Variants in ALG11 observed in about 807,000 individuals in gnomAD.
The protein encoded by ALG11 is ALG11 alpha-1,2-mannosyltransferase.
Under a neutral mutation model 38.8 loss-of-function variants are expected in ALG11, and 26 were observed. That is an observed-to-expected ratio of 0.67 (90% CI 0.49 to 0.93). ALG11 has a LOEUF of 0.93. ALG11 is among the 40% of genes least tolerant of loss of function. The probability of loss-of-function intolerance (pLI) is 0.00; values close to 1 mark genes in which losing one functional copy is unlikely to be tolerated. For missense variants in ALG11, 535 were observed against 578.8 expected, an observed-to-expected ratio of 0.92 and a Z score of 0.78; for synonymous variants, 199 against 211.6, an observed-to-expected ratio of 0.94 and a Z score of 0.52.
Position 52,028,783 on chromosome 13 carries a change from A to G in ALG11, c.*193A>G, listed in dbSNP as rs3825528. On this transcript the variant is annotated 3_prime_UTR_variant, in exon 4 of 4. Transcript: ENST00000521508. ...CCTTCGGCTTCCATTCTTGGTATAC[A>G]TGAGAGAGGCTGGCTGCTGAGATGA... The G allele has an allele frequency of 6.2e-7, 1 of 1,613,858 alleles. No homozygotes were observed. Among genetic ancestry groups the G allele is most frequent in the Non-Finnish European group, 8.5e-7 (1 of 1,179,890 alleles).
At chr13:52,016,585 G>A (rs1272111270) in intron 1 of ALG11, 2 of 152,368 alleles carry the variant, frequency 1.3e-5, no homozygotes, top group African/African-American at 2.4e-5. Flanking sequence ...AGGGGCCAAT[G>A]CAGAGCTAGT....
In ALG11 at chr13:52,012,616, G is replaced by A. The variant is rs111871296; in HGVS notation, c.44+154G>A. Among the ~76,000 whole-genome samples the A allele has an allele frequency of 0.042, 6,438 of 152,110 alleles. 166 individuals carry two copies. The highest frequency in any genetic ancestry group is 0.091 in the South Asian group (437 of 4,810). Reference sequence around the variant, plus strand: ...ATGAGCAGTCTTTCTTTTTCTTGGGGGTCTTCTATATAGACTGGAATAGAC... The same window carrying A: ...ATGAGCAGTCTTTCTTTTTCTTGGGAGTCTTCTATATAGACTGGAATAGAC... On this transcript the variant is annotated intron_variant, in intron 1 of 3. Coordinates refer to ENST00000521508, the MANE Select transcript of ALG11 (RefSeq NM_001004127.3).
chr13:52,025,434 A>G (rs1270452402), intron 3 of ALG11, among the ~76,000 whole-genome samples: 1 of 152,204 alleles, frequency 6.6e-6, no homozygotes, highest in Non-Finnish European at 1.5e-5. Context: ...GAATCTCTGG[A>G]CAAGGCCCAG....
chr13:52,014,493 G>A (rs1052008818), intron 1 of ALG11, among the ~76,000 whole-genome samples: 2 of 151,332 alleles, frequency 1.3e-5, no homozygotes, highest in South Asian at 2.1e-4. Flanking sequence ...TTTGCCCTTC[G>A]CAAGACATTT....
At position 52,019,123 on chromosome 13, in the gene ALG11, T is replaced by TTTC; in HGVS notation, c.257_258insCTT (p.Ala85_Leu86insPhe). 6.2e-7 allele frequency: 1 copy of TTTC among 1,614,010 alleles called. No homozygotes were observed. Among genetic ancestry groups the TTTC allele is most frequent in the South Asian group, 1.1e-5 (1 of 91,074 alleles). ...GAGGAGAAAGAGTTTTATGGTGTGC[T>TTTC]TTAAGAGCCCTGCAGAAAAAGTAGG... On this transcript the variant is annotated inframe_insertion, in exon 2 of 4. Transcript: ENST00000521508.
Position 52,030,807 on chromosome 13 carries a change from T to A in ALG11, c.*2217T>A, listed in dbSNP as rs1954295700. 1 of 1,614,172 alleles carries A rather than the reference T, an allele frequency of 6.2e-7. No individual in the cohort carries two copies. The highest frequency in any genetic ancestry group is 2.2e-5 in the East Asian group (1 of 44,876). On this transcript the variant is annotated 3_prime_UTR_variant, in exon 4 of 4. Transcript: ENST00000521508. ...GATAAGAATTTGCCAAATGTGATTA[T>A]CAGTGAGAAGCGCAACATCCACGCA...
Position 52,032,492 on chromosome 13 carries a change from G to C in ALG11, c.*3902G>C, listed in dbSNP as rs149964820. The C allele has an allele frequency of 2.2e-4, 36 of 167,188 alleles. No homozygotes were observed. The highest frequency in any genetic ancestry group is 3.4e-3 in the Middle Eastern group (1 of 296). 10.4% of individuals were successfully genotyped at this position (167,188 alleles called of 1,614,324 possible). On this transcript the variant is annotated 3_prime_UTR_variant, in exon 4 of 4. Transcript: ENST00000521508. ...TATATAATCAATCCTTTCTAGTTCAGTGAATTGACCCCATCCACAGGCTGA... is the reference window on the plus strand; with the variant it reads ...TATATAATCAATCCTTTCTAGTTCACTGAATTGACCCCATCCACAGGCTGA...
rs776182925 is a variant in ALG11, at chr13:52,030,637, G to T, written c.*2047G>T. The T allele has an allele frequency of 3.7e-6, 6 of 1,614,200 alleles. No homozygotes were observed. Among genetic ancestry groups the T allele is most frequent in the East Asian group, 2.2e-5 (1 of 44,890 alleles). On this transcript the variant is annotated 3_prime_UTR_variant, in exon 4 of 4. Coordinates refer to ENST00000521508, the MANE Select transcript of ALG11 (RefSeq NM_001004127.3). The stretch of plus-strand genomic sequence containing the variant: ...TCATCAGAGATTTCTTGAAAGAGAA[G>T]AGGGAAGCTGTGGAGGCGAGTAAGC...
chr13:52,020,357 C>T (rs1235119770), intron 2 of ALG11, among the ~76,000 whole-genome samples: 1 of 152,112 alleles, frequency 6.6e-6, no homozygotes, highest in African/African-American at 2.4e-5. Context: ...TTCATGGTTA[C>T]CCTACTTCCT....
chr13:52,029,025 G>A lies in ALG11; in HGVS notation c.*435G>A. ...GCTAGTCTGAAAGTGTCAGAGTTCA[G>A]TGTCAGTTCTGAAGGATCAGGAGAA... is the stretch of plus-strand genomic sequence containing the variant. On this transcript the variant is annotated 3_prime_UTR_variant, in exon 4 of 4. Transcript: ENST00000521508. 6.2e-7 allele frequency: 1 copy of A among 1,614,270 alleles called. No individual in the cohort carries two copies.
chr13:52,030,508 T>G lies in ALG11; in HGVS notation c.*1918T>G. ...AGAACTTCCTGACCACACAGTCTCC[T>G]TCCGTGAGGTCTTTGGCAGTTCCCA... On this transcript the variant is annotated 3_prime_UTR_variant, in exon 4 of 4. Coordinates refer to ENST00000521508, the MANE Select transcript of ALG11 (RefSeq NM_001004127.3). 1 of 1,614,204 alleles carries G rather than the reference T, an allele frequency of 6.2e-7. No homozygotes were observed. Among genetic ancestry groups the G allele is most frequent in the Non-Finnish European group, 8.5e-7 (1 of 1,180,040 alleles).
chr13:52,013,400 G>C (rs1177770392), intron 1 of ALG11, among the ~76,000 whole-genome samples: 1 of 152,222 alleles, frequency 6.6e-6, no homozygotes, highest in African/African-American at 2.4e-5. Flanking sequence ...CATTTTGAAT[G>C]AGAAAGTCTG....
At chr13:52,018,701 A>G (rs912502721) in intron 1 of ALG11, among the ~76,000 whole-genome samples, 2 of 152,228 alleles carry the variant, frequency 1.3e-5, no homozygotes, top group African/African-American at 4.8e-5. Flanking sequence ...AACATGCTAC[A>G]GGAATTGGAA....
In ALG11 at chr13:52,012,437, A is replaced by G. The variant is rs777574309; in HGVS notation, c.19A>G (p.Ser7Gly). 1.1e-5 allele frequency: 18 copies of G among 1,613,896 alleles called. No homozygotes were observed. The highest frequency in any genetic ancestry group is 1.4e-5 in the Non-Finnish European group (17 of 1,180,050). Residue 7 changes from serine (S) to glycine (G), a missense_variant, in exon 1 of 4, where the codon AGC becomes GGC. Coordinates refer to ENST00000521508, the MANE Select transcript of ALG11 (RefSeq NM_001004127.3). ...GCGGAAGATGGCGGCCGGCGAAAGG[A>G]GCTGGTGCCTGTGCAAGTTGTTGAG... MAAGER[S>G]WCLCKLLRFF...
Position 52,024,640 on chromosome 13 carries a change from G to A in ALG11, c.910G>A (p.Val304Ile), listed in dbSNP as rs1401160876. 1 of 1,613,882 alleles carries A rather than the reference G, an allele frequency of 6.2e-7. No individual in the cohort carries two copies. ...EKKMTPGHLL[V>I]SVGQFRPEKN... ...AAAGATGACCCCAGGACATTTGCTG[G>A]TTTCTGTTGGCCAGTTTAGGCCGGA... The change falls in exon 3 of 4, where the codon GTT (valine) becomes ATT (isoleucine). Residue 304 changes from valine to isoleucine, a missense_variant. By Grantham distance (29) the Val-to-Ile change is conservative. Transcript: ENST00000521508.
chr13:52,020,164 A>G (rs1954172576), intron 2 of ALG11, among the ~76,000 whole-genome samples: 1 of 152,190 alleles, frequency 6.6e-6, no homozygotes. Context: ...AAATTTTTAT[A>G]TCATTACCAG....
chr13:52,020,153 C>CAAA (rs1954172511), intron 2 of ALG11, among the ~76,000 whole-genome samples: 1 of 152,102 alleles, frequency 6.6e-6, no homozygotes, highest in African/African-American at 2.4e-5. Context: ...CTATTTGACT[C>CAAA]AAATTTTTAT....
intron 3 of ALG11, 138 bp downstream of exon 3, chr13:52,025,075 C>A: frequency 2.1e-6 from 2 of 941,486 alleles, no homozygotes; most frequent in Non-Finnish European, 3.3e-6. Flanking sequence ...GCTTTCCTCA[C>A]TTGAGACCTT....
chr13:52,017,821 G>A (rs1954147574), intron 1 of ALG11: 2 of 152,318 alleles, frequency 1.3e-5, no homozygotes, highest in African/African-American at 4.8e-5. Context: ...CCAGAGCCCA[G>A]TCTGCTATTC....
Sources: gnomAD v4.1 joint callset for allele counts (sites outside exome capture counted in the v4.1 genomes callset) on GRCh38, gnomAD v4.1.1 for gene constraint, MANE v1.5 for transcripts, NCBI Gene and HGNC (gene_info 2026-07-23, HGNC 2026-07-21) for gene names.